The following SLC25A12 variants were observed in gnomAD, a reference collection of about 807,000 sequenced individuals.
SLC25A12 encodes the protein electrogenic aspartate/glutamate antiporter SLC25A12, mitochondrial.
Under a neutral mutation model 83.3 loss-of-function variants are expected in SLC25A12, and 32 were observed. The ratio of observed to expected loss-of-function variants is 0.38; its 90% confidence interval spans 0.29 to 0.52. The LOEUF is 0.52. SLC25A12 is among the 20% of genes least tolerant of loss of function. SLC25A12 has a pLI of 0.84. For missense variants in SLC25A12, 611 were observed against 835.6 expected (o/e 0.73, Z 3.31); for synonymous variants, 267 against 291.1 (o/e 0.92, Z 0.84).
chr2:171,863,864 T>A (rs1685223107), intron 3 of SLC25A12, among the ~76,000 whole-genome samples: 1 of 152,244 alleles, frequency 6.6e-6, no homozygotes, highest in Non-Finnish European at 1.5e-5. Flanking sequence ...CAGTGATTTA[T>A]CAGTTGATAT....
At chr2:171,856,047 A>C (rs1685038658) in intron 3 of SLC25A12, 98 bp from the exon 4 acceptor site, 1 of 766,442 alleles carries the variant, frequency 1.3e-6, no homozygotes, top group Non-Finnish European at 2.4e-6. Context: ...CAGGGTAACC[A>C]AATAATTGAT....
In SLC25A12 at chr2:171,787,649, C is replaced by T. The variant is rs1265862754; in HGVS notation, c.1757G>A (p.Arg586Gln). Residue 586 changes from arginine to glutamine, a missense_variant, in exon 17 of 18, where the codon CGA becomes CAA. Physicochemically the swap from Arg to Gln is conservative, Grantham distance 43. Transcript: ENST00000422440. Reference sequence around the variant, plus strand: ...GGTAACACCAAACTGGGGAGAGGATCGAAACACTCGAGCTGAAAAAGAGAA... The same window carrying T: ...GGTAACACCAAACTGGGGAGAGGATTGAAACACTCGAGCTGAAAAAGAGAA... Reference protein sequence around the residue: ...FWKGTAARVFRSSPQFGVTLV... With the variant: ...FWKGTAARVFQSSPQFGVTLV... 9 of 1,613,858 alleles carry T rather than the reference C, an allele frequency of 5.6e-6. No individual in the cohort carries two copies. Among genetic ancestry groups the T allele is most frequent in the Non-Finnish European group, 6.8e-6 (8 of 1,179,964 alleles).
At position 171,866,067 on chromosome 2, in the gene SLC25A12, G is replaced by C. The variant is rs1454742532; in HGVS notation, c.209+2614C>G. On this transcript the variant is annotated intron_variant, in intron 3 of 17. Transcript: ENST00000422440. ...CTCTTAACGAGCATGCTGCCTTCAA[G>C]CATCTGTTTAACAAAGCACATCTTG... Among the ~76,000 whole-genome samples the C allele has an allele frequency of 6.7e-5, 9 of 134,356 alleles. No individual in the cohort carries two copies. In the East Asian group the frequency reaches 1.3e-3, roughly 19 times the overall value. The allele number at this position is 134,356 out of a possible 152,430, so 88.1% of individuals were successfully genotyped here. A position where few individuals can be genotyped will look rare whatever the true frequency, so the allele number is the denominator to read the frequency against.
At chr2:171,795,276 A>G (rs1271582670) in intron 13 of SLC25A12, among the ~76,000 whole-genome samples, 1 of 152,148 alleles carries the variant, frequency 6.6e-6, no homozygotes, top group African/African-American at 2.4e-5. Context: ...CAGGTCCCCC[A>G]ACGATGTACT....
chr2:171,836,099 C>T (rs1684550698), intron 6 of SLC25A12, among the ~76,000 whole-genome samples: 1 of 152,020 alleles, frequency 6.6e-6, no homozygotes, highest in Non-Finnish European at 1.5e-5. Flanking sequence ...CCCTTTATCC[C>T]TTTCTTTCCT....
intron 13 of SLC25A12, among the ~76,000 whole-genome samples, chr2:171,805,114 GT>G (rs71013073): frequency 0.8 from 112,738 of 140,968 alleles, 45,880 homozygotes; most frequent in East Asian, 0.9. Flanking sequence ...TTTGTTTTTT[GT>G]TTTTTTTTTT....
At chr2:171,834,106 A>G (rs1684505951) in intron 7 of SLC25A12, 50 bp from the exon 8 acceptor site, 1 of 1,037,880 alleles carries the variant, frequency 9.6e-7, no homozygotes, top group African/African-American at 1.6e-5. Flanking sequence ...CTTAATATAT[A>G]ACAAAGTTCT....
rs928401316 is a variant in SLC25A12, at chr2:171,811,326, G to A, written c.1172-1050C>T. Among the ~76,000 whole-genome samples, 6 of 152,100 alleles carry A rather than the reference G, an allele frequency of 3.9e-5. 1 individual carries two copies. The South Asian group carries it at 6.2e-4, about 16-fold the overall frequency. ...ACAAAGCCTCACACACCTTTCATGC[G>A]TAGCAGACTGATTTAAAAGAACAAA... On this transcript the variant is annotated intron_variant, in intron 11 of 17. Transcript: ENST00000422440.
intron 17 of SLC25A12, among the ~76,000 whole-genome samples, chr2:171,786,084 A>G (rs1690482916): frequency 6.6e-6 from 1 of 152,048 alleles, no homozygotes; most frequent in Non-Finnish European, 1.5e-5. Flanking sequence ...AAATTATTTA[A>G]AGAGAGATAG....
intron 13 of SLC25A12, among the ~76,000 whole-genome samples, chr2:171,805,523 G>A (rs940439558): frequency 3.3e-5 from 5 of 152,222 alleles, no homozygotes; most frequent in Admixed American, 2.0e-4. Context: ...TATGGATTTG[G>A]AGATAGAAGT....
intron 13 of SLC25A12, among the ~76,000 whole-genome samples, chr2:171,804,157 G>A (rs1437474323): frequency 1.3e-5 from 2 of 152,270 alleles, no homozygotes; most frequent in African/African-American, 2.4e-5. Context: ...ATTAAGTACT[G>A]ATACATGCTA....
intron 2 of SLC25A12, among the ~76,000 whole-genome samples, chr2:171,882,486 G>C (rs1685718454): frequency 6.6e-6 from 1 of 152,208 alleles, no homozygotes; most frequent in Admixed American, 6.5e-5. Context: ...GCTCCACATG[G>C]CAAAGCCTGT....
At chr2:171,814,862 T>C (rs1411439159) in intron 10 of SLC25A12, among the ~76,000 whole-genome samples, 1 of 152,228 alleles carries the variant, frequency 6.6e-6, no homozygotes, top group East Asian at 1.9e-4. Flanking sequence ...GCCAGTATAA[T>C]TAAGGTGAGT....
intron 1 of SLC25A12, 108 bp from the exon 2 acceptor site, chr2:171,893,366 A>G: frequency 2.0e-6 from 2 of 987,546 alleles, no homozygotes; most frequent in South Asian, 1.3e-5. Context: ...ATCTTTTATC[A>G]TTTAGTTTAA....
chr2:171,794,265 A>G (rs1683550874), intron 13 of SLC25A12, among the ~76,000 whole-genome samples: 1 of 152,244 alleles, frequency 6.6e-6, no homozygotes, highest in Non-Finnish European at 1.5e-5. Flanking sequence ...TAGAGCAATT[A>G]AAACTACTTT....
chr2:171,797,463 G>C (rs1370063348), intron 13 of SLC25A12, among the ~76,000 whole-genome samples: 2 of 152,188 alleles, frequency 1.3e-5, no homozygotes, highest in East Asian at 3.8e-4. Context: ...CCTGGAAAGA[G>C]AAACTGAATA....
intron 9 of SLC25A12, among the ~76,000 whole-genome samples, chr2:171,823,182 T>C (rs533843537): frequency 2.0e-5 from 3 of 152,376 alleles, no homozygotes; most frequent in African/African-American, 7.2e-5. Context: ...TCCATTACTT[T>C]GGTTGCTATA....
chr2:171,812,338 C>T (rs776778564), intron 11 of SLC25A12, among the ~76,000 whole-genome samples: 1 of 152,020 alleles, frequency 6.6e-6, no homozygotes, highest in Admixed American at 6.6e-5. Context: ...AAGCTCTGTT[C>T]GGGCCCAGTC....
At chr2:171,876,335 T>G (rs929953991) in intron 2 of SLC25A12, among the ~76,000 whole-genome samples, 2 of 152,204 alleles carry the variant, frequency 1.3e-5, no homozygotes, top group African/African-American at 4.8e-5. Context: ...AATTAACTCA[T>G]TAAATTAGAG....
Sources: allele counts gnomAD v4.1 joint callset (sites outside exome capture counted in the v4.1 genomes callset), GRCh38; gene constraint gnomAD v4.1.1; transcripts MANE v1.5; gene names NCBI Gene and HGNC (gene_info 2026-07-23, HGNC 2026-07-21).